Variants in NCKAP5 observed in about 807,000 individuals in gnomAD.
NCKAP5 encodes the protein NCK associated protein 5.
NCKAP5 carries 92 observed loss-of-function variants against 167.0 expected under a neutral mutation model. The ratio of observed to expected loss-of-function variants is 0.55; its 90% CI spans 0.47 to 0.66. The LOEUF is 0.66. Ranked by LOEUF, NCKAP5 falls within the 30% of genes least tolerant of loss-of-function variation. NCKAP5 has a pLI of 0.00. For synonymous variants in NCKAP5, 891 were observed against 877.4 expected (o/e 1.02, Z -0.27); for missense variants, 2,378 against 2,315.0 (o/e 1.03, Z -0.56).
At chr2:132,793,182 T>C (rs1280350686) in intron 12 of NCKAP5, among the ~76,000 whole-genome samples, 1 of 152,148 alleles carries the variant, frequency 6.6e-6, no homozygotes, top group Non-Finnish European at 1.5e-5. Flanking sequence ...GCTAATTTTG[T>C]ATTTTTAGTA....
intron 19 of NCKAP5, among the ~76,000 whole-genome samples, chr2:132,701,485 C>A (rs2709535): frequency 0.4 from 60,998 of 152,028 alleles, 14,012 homozygotes; most frequent in East Asian, 0.55. Flanking sequence ...ATTGCAAAAC[C>A]AAATACCAGG....
chr2:133,328,723 A>T (rs751492639), intron 3 of NCKAP5, among the ~76,000 whole-genome samples: 2 of 152,180 alleles, frequency 1.3e-5, no homozygotes, highest in Admixed American at 1.3e-4. Flanking sequence ...CTGATGAAAA[A>T]TATATATAAT....
At chr2:133,057,430 C>G (rs2079842806) in intron 6 of NCKAP5, among the ~76,000 whole-genome samples, 2 of 152,166 alleles carry the variant, frequency 1.3e-5, no homozygotes, top group African/African-American at 4.8e-5. Context: ...AGGAAAAACA[C>G]TTGAAGGAAA....
At chr2:133,287,152 A>G (rs986456105) in intron 4 of NCKAP5, among the ~76,000 whole-genome samples, 3 of 152,216 alleles carry the variant, frequency 2.0e-5, no homozygotes, top group Admixed American at 2.0e-4. Context: ...TCAAACAATT[A>G]TTAGATCTAT....
At chr2:133,222,009 T>C (rs2086680766) in intron 4 of NCKAP5, among the ~76,000 whole-genome samples, 1 of 152,212 alleles carries the variant, frequency 6.6e-6, no homozygotes, top group African/African-American at 2.4e-5. Flanking sequence ...TAATAGCTGA[T>C]ATTTATTGAA....
intron 8 of NCKAP5, among the ~76,000 whole-genome samples, chr2:132,927,828 G>T (rs1574659805): frequency 6.6e-6 from 1 of 152,030 alleles, no homozygotes; most frequent in Non-Finnish European, 1.5e-5. Context: ...GAGGTAATGG[G>T]CTTTAATATT....
At chr2:133,117,225 A>C (rs2082111748) in intron 6 of NCKAP5, 1 of 152,238 alleles carries the variant, frequency 6.6e-6, no homozygotes, top group African/African-American at 2.4e-5. Context: ...ACTGGTACCT[A>C]AAATAGTGCT....
At chr2:133,186,616 A>T (rs1398428212) in intron 5 of NCKAP5, among the ~76,000 whole-genome samples, 1 of 151,926 alleles carries the variant, frequency 6.6e-6, no homozygotes, top group East Asian at 1.9e-4. Flanking sequence ...TTTACCACTG[A>T]TTCAATTTTG....
At chr2:133,625,869 T>A in the NCKAP5 span, among the ~76,000 whole-genome samples, 19,048 of 122,768 alleles carry the variant, frequency 0.16, 1,755 homozygotes, top group African/African-American at 0.29. Context: ...GAGACTTGTC[T>A]CAAAAAAAAA....
At chr2:132,733,375 C>A (rs1480132411) in intron 16 of NCKAP5, among the ~76,000 whole-genome samples, 1 of 152,176 alleles carries the variant, frequency 6.6e-6, no homozygotes, top group Admixed American at 6.5e-5. Context: ...ACCAAAAGCT[C>A]AACAGCTACC....
chr2:132,729,847 A>G (rs1275890826), intron 17 of NCKAP5, among the ~76,000 whole-genome samples: 1 of 152,130 alleles, frequency 6.6e-6, no homozygotes, highest in Non-Finnish European at 1.5e-5. Flanking sequence ...GAAGCTAAGA[A>G]CTGTGTTTTC....
intron 4 of NCKAP5, among the ~76,000 whole-genome samples, chr2:133,219,250 C>T (rs116718070): frequency 1.6e-3 from 237 of 152,286 alleles, no homozygotes; most frequent in African/African-American, 5.4e-3. Flanking sequence ...AACCCCAGCC[C>T]GGCTGCTAGC....
chr2:133,308,770 G>A (rs1328784333), intron 3 of NCKAP5, among the ~76,000 whole-genome samples: 1 of 132,604 alleles, frequency 7.5e-6, no homozygotes, highest in African/African-American at 2.9e-5. Flanking sequence ...CTGCAGTGGC[G>A]CAATCTCGGC....
chr2:133,097,702 A>G (rs1559136465), intron 6 of NCKAP5, among the ~76,000 whole-genome samples: 1 of 152,228 alleles, frequency 6.6e-6, no homozygotes. Flanking sequence ...TCAACACCTG[A>G]TTCACAGTGT....
At chr2:133,600,676 G>C in the NCKAP5 span, among the ~76,000 whole-genome samples, 3 of 152,236 alleles carry the variant, frequency 2.0e-5, no homozygotes, top group East Asian at 5.8e-4. Flanking sequence ...TCATCCCTAG[G>C]AAGCAGCGGA....
At chr2:132,710,938 G>A (rs560559268) in intron 19 of NCKAP5, among the ~76,000 whole-genome samples, 13 of 152,220 alleles carry the variant, frequency 8.5e-5, no homozygotes, top group African/African-American at 2.9e-4. Flanking sequence ...ATATTGTTTC[G>A]CTTATGCTTT....
intron 4 of NCKAP5, among the ~76,000 whole-genome samples, chr2:133,229,351 G>A (rs1233712865): frequency 6.6e-6 from 1 of 152,084 alleles, no homozygotes; most frequent in Non-Finnish European, 1.5e-5. Context: ...ACACAAGAGA[G>A]GGGAAAAGCA....
intron 2 of NCKAP5, among the ~76,000 whole-genome samples, chr2:133,533,102 A>C (rs1403826216): frequency 2.0e-5 from 3 of 152,246 alleles, no homozygotes; most frequent in African/African-American, 4.8e-5. Context: ...TATGGGGAAA[A>C]TAAAGAGCTG....
chr2:133,085,598 T>G (rs2080961567), intron 6 of NCKAP5, among the ~76,000 whole-genome samples: 1 of 152,212 alleles, frequency 6.6e-6, no homozygotes, highest in Admixed American at 6.5e-5. Context: ...TGGTCTGGTC[T>G]TGGAATCAAC....
Sources: gnomAD v4.1 joint callset for allele counts (sites outside exome capture counted in the v4.1 genomes callset) on GRCh38, gnomAD v4.1.1 for gene constraint, MANE v1.5 for transcripts, NCBI Gene and HGNC (gene_info 2026-07-23, HGNC 2026-07-21) for gene names.